GALNT13: variants seen among roughly 807,000 people sequenced by gnomAD.
The protein encoded by GALNT13 is UDP-GalNAc:polypeptide N-acetylgalactosaminyltransferase 13.
A neutral mutation model predicts 64.2 loss-of-function variants in GALNT13; 28 were observed. That is an observed-to-expected ratio of 0.44 (90% CI 0.32 to 0.60). The LOEUF is 0.60. GALNT13 is among the 20% of genes least tolerant of loss of function. GALNT13 has a pLI of 0.05. For synonymous variants in GALNT13, 214 were observed against 224.6 expected, an observed-to-expected ratio of 0.95 and a Z score of 0.42; for missense variants, 577 against 669.8, an observed-to-expected ratio of 0.86 and a Z score of 1.53.
the GALNT13 span, among the ~76,000 whole-genome samples, chr2:153,236,930 C>G: frequency 6.6e-6 from 1 of 152,004 alleles, no homozygotes; most frequent in Non-Finnish European, 1.5e-5. Context: ...ATTCTAGGTG[C>G]CATTAAGAAG....
chr2:153,259,462 T>A, the GALNT13 span, among the ~76,000 whole-genome samples: 1 of 152,216 alleles, frequency 6.6e-6, no homozygotes, highest in Admixed American at 6.5e-5. Flanking sequence ...TTGTACTTGC[T>A]GATATGGTTT....
chr2:154,231,751 G>T (rs544580177), intron 4 of GALNT13, among the ~76,000 whole-genome samples: 42 of 143,380 alleles, frequency 2.9e-4, no homozygotes, highest in African/African-American at 1.0e-3. Context: ...AAAAGTAATC[G>T]CAGTTTTTGC....
chr2:153,608,353 C>T, the GALNT13 span, among the ~76,000 whole-genome samples: 3 of 152,176 alleles, frequency 2.0e-5, no homozygotes, highest in East Asian at 1.9e-4. Flanking sequence ...ATCCCACCCA[C>T]GGTGGCAGAG....
the GALNT13 span, among the ~76,000 whole-genome samples, chr2:153,415,472 G>A: frequency 1.3e-5 from 2 of 152,134 alleles, no homozygotes; most frequent in Non-Finnish European, 2.9e-5. Flanking sequence ...TGATTCTGAA[G>A]GTTACTCATG....
the GALNT13 span, among the ~76,000 whole-genome samples, chr2:153,217,555 T>C: frequency 3.3e-5 from 5 of 152,162 alleles, no homozygotes; most frequent in Admixed American, 6.5e-5. Flanking sequence ...GTCATTTCTA[T>C]TGACCTATCT....
intron 12 of GALNT13, among the ~76,000 whole-genome samples, chr2:154,440,520 G>A (rs1293891307): frequency 6.6e-6 from 1 of 151,862 alleles, no homozygotes; most frequent in Non-Finnish European, 1.5e-5. Flanking sequence ...TTACTCTTTT[G>A]GATGACTAGT....
Position 154,208,299 on chromosome 2 carries a change from T to C in GALNT13, c.312-33731T>C, listed in dbSNP as rs1559025438. Among the ~76,000 whole-genome samples the C allele has an allele frequency of 2.0e-5, 3 of 152,296 alleles. 1 individual carries two copies. Among genetic ancestry groups the C allele is most frequent in the Middle Eastern group, 6.8e-3 (2 of 292 alleles). On this transcript the variant is annotated intron_variant, in intron 4 of 12. Transcript: ENST00000392825. ...ACCTAGTTCTTGTTTTTTTGAGTCA[T>C]TATGAGAAAAGCAGAACTTAGAGTC... is the stretch of plus-strand genomic sequence containing the variant.
At chr2:153,249,233 A>C in the GALNT13 span, among the ~76,000 whole-genome samples, 1 of 151,830 alleles carries the variant, frequency 6.6e-6, no homozygotes, top group African/African-American at 2.4e-5. Context: ...CTATACACCA[A>C]TAATAGACAG....
At chr2:153,688,531 A>G in the GALNT13 span, among the ~76,000 whole-genome samples, 3 of 152,012 alleles carry the variant, frequency 2.0e-5, no homozygotes, top group Non-Finnish European at 4.4e-5. Flanking sequence ...CTTAGTGAAC[A>G]TATCTGTATA....
At chr2:154,290,400 G>A (rs1046098995) in intron 8 of GALNT13, among the ~76,000 whole-genome samples, 6 of 152,212 alleles carry the variant, frequency 3.9e-5, no homozygotes, top group Non-Finnish European at 7.3e-5. Context: ...AAGGCAAGCC[G>A]AACTTTTACA....
At chr2:153,995,913 G>A (rs1451900176) in intron 3 of GALNT13, among the ~76,000 whole-genome samples, 3 of 152,074 alleles carry the variant, frequency 2.0e-5, no homozygotes, top group Non-Finnish European at 2.9e-5. Flanking sequence ...ATCTATTAGT[G>A]AAATCTTGCA....
At chr2:154,003,260 C>T (rs1239820354) in intron 3 of GALNT13, among the ~76,000 whole-genome samples, 1 of 152,108 alleles carries the variant, frequency 6.6e-6, no homozygotes, top group Non-Finnish European at 1.5e-5. Context: ...GGAATGAAAT[C>T]AGTTTGGCCC....
At chr2:153,204,715 G>A in the GALNT13 span, among the ~76,000 whole-genome samples, 1 of 152,078 alleles carries the variant, frequency 6.6e-6, no homozygotes, top group Non-Finnish European at 1.5e-5. Flanking sequence ...AATGTTTTGA[G>A]TTATTTATCA....
the GALNT13 span, among the ~76,000 whole-genome samples, chr2:153,130,874 G>C: frequency 5.3e-5 from 8 of 152,144 alleles, no homozygotes; most frequent in African/African-American, 1.9e-4. Flanking sequence ...GGTGAGCTGA[G>C]GCTGCAAAAT....
intron 4 of GALNT13, among the ~76,000 whole-genome samples, chr2:154,177,578 A>G (rs1192748881): frequency 6.6e-6 from 1 of 152,180 alleles, no homozygotes; most frequent in Non-Finnish European, 1.5e-5. Context: ...CTTTATAATA[A>G]TGCATCACTA....
rs7591589 is a variant in GALNT13 at position 153,889,389 on chromosome 2, C to G, written c.-176-11547C>G. ...CTAATCAGTTTTAAGTTTTTAACCA[C>G]CCTCAAAGCCTTCCTGACACTCTTT... On this transcript the variant is annotated intron_variant, in intron 1 of 12. Transcript: ENST00000392825. Among the ~76,000 whole-genome samples, 439 of 151,766 alleles carry G rather than the reference C, an allele frequency of 2.9e-3. 1 individual carries two copies. The highest frequency in any genetic ancestry group is 0.01 in the African/African-American group (429 of 41,372).
the GALNT13 span, among the ~76,000 whole-genome samples, chr2:153,292,623 G>A: frequency 0.13 from 20,445 of 152,090 alleles, 1,658 homozygotes; most frequent in Non-Finnish European, 0.18. Context: ...TTGATATTTT[G>A]GATGATGTTT....
chr2:153,712,305 A>G, the GALNT13 span, among the ~76,000 whole-genome samples: 8 of 152,122 alleles, frequency 5.3e-5, no homozygotes, highest in South Asian at 2.1e-4. Context: ...GAAGCTACCA[A>G]TTTACTAGTC....
chr2:153,536,722 A>C, the GALNT13 span, among the ~76,000 whole-genome samples: 1 of 152,356 alleles, frequency 6.6e-6, no homozygotes, highest in Admixed American at 6.5e-5. Flanking sequence ...TTCTACTCTC[A>C]GGGTACTTAC....
Sources: gnomAD v4.1 joint callset for allele counts (sites outside exome capture counted in the v4.1 genomes callset) on GRCh38, gnomAD v4.1.1 for gene constraint, MANE v1.5 for transcripts, NCBI Gene and HGNC (gene_info 2026-07-23, HGNC 2026-07-21) for gene names.